The following PSMB9 variants were observed in gnomAD, a reference collection of about 807,000 sequenced individuals.
PSMB9 encodes the protein proteasome 20S subunit beta 9, also known as proteasome subunit beta type-9.
In PSMB9, 16 loss-of-function variants were observed where a neutral mutation model predicts 26.9. The ratio of observed to expected loss-of-function variants is 0.59; its 90% confidence interval spans 0.40 to 0.90. PSMB9 has a LOEUF of 0.90. PSMB9 is among the 40% of genes least tolerant of loss of function. The pLI, the probability that PSMB9 is intolerant of heterozygous loss-of-function variation, is 0.00. For synonymous variants in PSMB9, 91 were observed against 112.0 expected (o/e 0.81, Z 1.18); for missense variants, 253 against 292.2 (o/e 0.87, Z 0.98).
At position 32,859,848 on chromosome 6, in the gene PSMB9, G is replaced by A. The variant is rs978944702; in HGVS notation, c.*316G>A. On this transcript the variant is annotated 3_prime_UTR_variant, in exon 6 of 6. Transcript: ENST00000374859. Reference sequence around the variant, plus strand: ...TCATGCGGTCCATGATGATGAGGCCGCAAGTGAGGTGATGGGACTCTTTCC... The same window carrying A: ...TCATGCGGTCCATGATGATGAGGCCACAAGTGAGGTGATGGGACTCTTTCC... Among the ~76,000 whole-genome samples, 3 of 152,102 alleles carry A rather than the reference G, an allele frequency of 2.0e-5. No individual in the cohort carries two copies. The highest frequency in any genetic ancestry group is 4.4e-5 in the Non-Finnish European group (3 of 68,022).
In PSMB9 at chr6:32,858,887, A is replaced by C; in HGVS notation, c.532+382A>C. On this transcript the variant is annotated intron_variant, in intron 5 of 5. Transcript: ENST00000374859. This position sits in a 1 kb window ranked among gnomAD's most constrained non-coding sequence, Gnocchi z 5.2. ...CTGTCTCCACAAAAAACAATAAAAA[A>C]AAGTAAAAAAAAAAATGAACTGGGC... 1 of 304,496 alleles carries C rather than the reference A, an allele frequency of 3.3e-6. No homozygotes were observed. The highest frequency in any genetic ancestry group is 6.1e-6 in the Non-Finnish European group (1 of 163,230). 18.9% of individuals were successfully genotyped at this position (304,496 alleles called of 1,614,324 possible). A position where few individuals can be genotyped will look rare whatever the true frequency, so the allele number is the denominator to read the frequency against.
At chr6:32,859,332 G>T in intron 5 of PSMB9, 73 bp from the exon 6 acceptor site, 1 of 1,508,710 alleles carries the variant, frequency 6.6e-7, no homozygotes, top group East Asian at 2.4e-5. Flanking sequence ...CATATGGATG[G>T]AGGGGGAGTA....
chr6:32,855,879 G>T (rs1771138586), intron 1 of PSMB9, among the ~76,000 whole-genome samples: 1 of 152,148 alleles, frequency 6.6e-6, no homozygotes, highest in African/African-American at 2.4e-5. Context: ...GATTCCACTA[G>T]GCAAGTTGGA....
intron 2 of PSMB9, 48 bp from the exon 3 acceptor site, chr6:32,857,215 A>G (rs749479308): frequency 1.3e-6 from 2 of 1,515,860 alleles, no homozygotes; most frequent in Non-Finnish European, 1.8e-6. Context: ...AAAAAAAAAA[A>G]AAAAAACCTG....
chr6:32,858,293 C>T lies in PSMB9; in HGVS notation c.391-71C>T. On this transcript the variant is annotated intron_variant, in intron 4 of 5. Transcript: ENST00000374859. The surrounding 1 kb of genome is among the most constrained non-coding windows in gnomAD (Gnocchi z 5.2). ...GATACCAGGGCTTCATTGCAGGGTG[C>T]AGAGACCACTTAATGTCTCAGTGGG... is the stretch of plus-strand genomic sequence containing the variant. The T allele has an allele frequency of 6.2e-7, 1 of 1,607,924 alleles. No individual in the cohort carries two copies. The highest frequency in any genetic ancestry group is 8.5e-7 in the Non-Finnish European group (1 of 1,176,204).
chr6:32,858,013 T>C lies in PSMB9; in HGVS notation c.269T>C (p.Leu90Pro). ...CCTAATATTTCCCTCAGGATAGAAC[T>C]GGAGGAACCTCCACTTGTTTTGGCT... is the stretch of plus-strand genomic sequence containing the variant. ...AYQLELHGIE[L>P]EEPPLVLAAA... The change falls in exon 4 of 6, where the codon CTG (leucine) becomes CCG (proline). Residue 90 changes from leucine (L) to proline (P), a missense_variant. Transcript: ENST00000374859. The surrounding 1 kb of genome is among the most constrained non-coding windows in gnomAD (Gnocchi z 5.2). 1 of 1,613,122 alleles carries C rather than the reference T, an allele frequency of 6.2e-7. No individual in the cohort carries two copies. Among genetic ancestry groups the C allele is most frequent in the Non-Finnish European group, 8.5e-7 (1 of 1,180,030 alleles).
Position 32,859,663 on chromosome 6 carries a change from G to A in PSMB9, c.*131G>A. ...GTGGGTGCTTCCCTCCTAGATGTCAGCATACACTCTTTCTTCTTTTGTCCC... is the reference window on the plus strand; with the variant it reads ...GTGGGTGCTTCCCTCCTAGATGTCAACATACACTCTTTCTTCTTTTGTCCC... On this transcript the variant is annotated 3_prime_UTR_variant, in exon 6 of 6. Coordinates refer to ENST00000374859, the MANE Select transcript of PSMB9 (RefSeq NM_002800.5). 2 of 1,031,932 alleles carry A rather than the reference G, an allele frequency of 1.9e-6. No homozygotes were observed. Among genetic ancestry groups the A allele is most frequent in the East Asian group, 2.5e-5 (1 of 39,604 alleles). 63.9% of individuals were successfully genotyped at this position (1,031,932 alleles called of 1,614,324 possible).
At chr6:32,857,924 C>T (rs1201854679) in intron 3 of PSMB9, 81 bp from the exon 4 acceptor site, 5 of 1,545,792 alleles carry the variant, frequency 3.2e-6, no homozygotes, top group Non-Finnish European at 4.4e-6. Context: ...TTTCAGGGGT[C>T]GTTTAGCAGG....
chr6:32,857,108 G>GA lies in PSMB9; in HGVS notation c.129-154dup, dbSNP rs1053332784. On this transcript the variant is annotated intron_variant, in intron 2 of 5. Transcript: ENST00000374859. ...CCAGCTATTCGGGAGGCTGAGGCAG[G>GA]AGAATCACTTGAACCAGGGAGGCGA... is the stretch of plus-strand genomic sequence containing the variant. The GA allele has an allele frequency of 4.6e-5, 32 of 696,524 alleles. No individual in the cohort carries two copies. In the African/African-American group the frequency reaches 6.0e-4, roughly 13 times the overall value. The allele number at this position is 696,524 out of a possible 1,614,324, so 43.1% of individuals were successfully genotyped here.
At chr6:32,857,676 G>A in intron 3 of PSMB9, 1 of 529,794 alleles carries the variant, frequency 1.9e-6, no homozygotes, top group Non-Finnish European at 3.3e-6. Flanking sequence ...AGGTGATATT[G>A]TGACCCACCA....
Position 32,854,329 on chromosome 6 carries a change from G to C in PSMB9, c.60+40G>C. ...CTTGAGGGTTGGCAGAGGGGTGGAG[G>C]AGATGCAGCGGCCAGGGGACCCTGG... On this transcript the variant is annotated intron_variant, in intron 1 of 5. Transcript: ENST00000374859. The surrounding 1 kb of genome is among the most constrained non-coding windows in gnomAD (Gnocchi z 4.6). 3 of 1,438,472 alleles carry C rather than the reference G, an allele frequency of 2.1e-6. No homozygotes were observed. The highest frequency in any genetic ancestry group is 2.7e-6 in the Non-Finnish European group (3 of 1,095,026). 89.1% of individuals were successfully genotyped at this position (1,438,472 alleles called of 1,614,324 possible). A position where few individuals can be genotyped will look rare whatever the true frequency, so the allele number is the denominator to read the frequency against.
rs1771240460 is a variant in PSMB9 at position 32,857,882 on chromosome 6, G to A, written c.261-123G>A. 24 of 1,129,676 alleles carry A rather than the reference G, an allele frequency of 2.1e-5. No individual in the cohort carries two copies. In the South Asian group the frequency reaches 3.4e-4, roughly 16 times the overall value. The allele number at this position is 1,129,676 out of a possible 1,614,324, so 70.0% of individuals were successfully genotyped here. A position where few individuals can be genotyped will look rare whatever the true frequency, so the allele number is the denominator to read the frequency against. On this transcript the variant is annotated intron_variant, in intron 3 of 5. Coordinates refer to ENST00000374859, the MANE Select transcript of PSMB9 (RefSeq NM_002800.5). ...CTGGTTCCCCTGTACATGTGGGAGGGAGGCTGCAGTTTGAGCTATTGCAGT... is the reference window on the plus strand; with the variant it reads ...CTGGTTCCCCTGTACATGTGGGAGGAAGGCTGCAGTTTGAGCTATTGCAGT...
Position 32,858,332 on chromosome 6 carries a change from A to T in PSMB9, c.391-32A>T. ...TGTCTCAGTGGGAAGGAAGGGCTTG[A>T]TGATTCTTTAACCTGAGGATCCCTT... On this transcript the variant is annotated intron_variant, in intron 4 of 5. Transcript: ENST00000374859. The surrounding 1 kb of genome is among the most constrained non-coding windows in gnomAD (Gnocchi z 5.2). The T allele has an allele frequency of 6.2e-7, 1 of 1,612,674 alleles. No homozygotes were observed. The highest frequency in any genetic ancestry group is 8.5e-7 in the Non-Finnish European group (1 of 1,179,846).
chr6:32,857,525 A>T, intron 3 of PSMB9, 131 bp downstream of exon 3: 1 of 1,173,938 alleles, frequency 8.5e-7, no homozygotes, highest in Non-Finnish European at 1.1e-6. Context: ...TCTTGCTGGC[A>T]CTTGAATCTG....
Position 32,857,516 on chromosome 6 carries a change from C to A in PSMB9, c.260+122C>A, listed in dbSNP as rs867435030. The A allele has an allele frequency of 1.9e-5, 23 of 1,196,306 alleles. 1 individual carries two copies. Among genetic ancestry groups the A allele is most frequent in the Middle Eastern group, 5.8e-4 (2 of 3,428 alleles). 74.1% of individuals were successfully genotyped at this position (1,196,306 alleles called of 1,614,324 possible). A position where few individuals can be genotyped will look rare whatever the true frequency, so the allele number is the denominator to read the frequency against. ...GAAATGGAAAAGTCTTGTTTCGGCT[C>A]TTGCTGGCACTTGAATCTGTCAGTT... On this transcript the variant is annotated intron_variant, in intron 3 of 5. Coordinates refer to ENST00000374859, the MANE Select transcript of PSMB9 (RefSeq NM_002800.5).
At position 32,859,702 on chromosome 6, in the gene PSMB9, C is replaced by A; in HGVS notation, c.*170C>A. Reference sequence around the variant, plus strand: ...TTCTTTTGTCCCAGGTCTAAAACATCTTTCCTAGAGAAAACAAAAGGGACT... The same window carrying A: ...TTCTTTTGTCCCAGGTCTAAAACATATTTCCTAGAGAAAACAAAAGGGACT... On this transcript the variant is annotated 3_prime_UTR_variant, in exon 6 of 6. Coordinates refer to ENST00000374859, the MANE Select transcript of PSMB9 (RefSeq NM_002800.5). 1 of 774,742 alleles carries A rather than the reference C, an allele frequency of 1.3e-6. No individual in the cohort carries two copies. Among genetic ancestry groups the A allele is most frequent in the South Asian group, 2.2e-5 (1 of 46,344 alleles). 48.0% of individuals were successfully genotyped at this position (774,742 alleles called of 1,614,324 possible).
In PSMB9 at chr6:32,859,488, C is replaced by A. The variant is rs1485245049; in HGVS notation, c.616C>A (p.Arg206=). The change falls in exon 6 of 6, where the codon CGA becomes AGA. Residue 206 remains arginine (R), a synonymous_variant. Coordinates refer to ENST00000374859, the MANE Select transcript of PSMB9 (RefSeq NM_002800.5). Reference sequence around the variant, plus strand: ...TATTACAGCTGCCGGTGTGGACCATCGAGTCATCTTGGGCAATGAACTGCC... The same window carrying A: ...TATTACAGCTGCCGGTGTGGACCATAGAGTCATCTTGGGCAATGAACTGCC... ...VTITAAGVDH[R]VILGNELPKF... 1 of 1,613,674 alleles carries A rather than the reference C, an allele frequency of 6.2e-7. No homozygotes were observed. Among genetic ancestry groups the A allele is most frequent in the Non-Finnish European group, 8.5e-7 (1 of 1,179,888 alleles).
Position 32,858,478 on chromosome 6 carries a change from G to C in PSMB9, c.505G>C (p.Glu169Gln), listed in dbSNP as rs560987199. ...AGCATATAAGCCAGGCATGTCTCCCGAGGAGTGCAGGCGCTTCACCACAGA... is the reference window on the plus strand; with the variant it reads ...AGCATATAAGCCAGGCATGTCTCCCCAGGAGTGCAGGCGCTTCACCACAGA... ...DAAYKPGMSP[E>Q]ECRRFTTDAI... Residue 169 changes from glutamate to glutamine, a missense_variant, in exon 5 of 6, where the codon GAG becomes CAG. Coordinates refer to ENST00000374859, the MANE Select transcript of PSMB9 (RefSeq NM_002800.5). The surrounding 1 kb of genome is among the most constrained non-coding windows in gnomAD (Gnocchi z 5.2). 6.2e-7 allele frequency: 1 copy of C among 1,612,992 alleles called. No homozygotes were observed. Among genetic ancestry groups the C allele is most frequent in the Non-Finnish European group, 8.5e-7 (1 of 1,180,034 alleles).
chr6:32,858,947 G>T lies in PSMB9; in HGVS notation c.532+442G>T, dbSNP rs572296233. The T allele has an allele frequency of 1.9e-5, 5 of 257,806 alleles. No individual in the cohort carries two copies. The South Asian group carries it at 2.4e-4, about 13-fold the overall frequency. 16.0% of individuals were successfully genotyped at this position (257,806 alleles called of 1,614,324 possible). On this transcript the variant is annotated intron_variant, in intron 5 of 5. Coordinates refer to ENST00000374859, the MANE Select transcript of PSMB9 (RefSeq NM_002800.5). This position sits in a 1 kb window ranked among gnomAD's most constrained non-coding sequence, Gnocchi z 5.2. Reference sequence around the variant, plus strand: ...CACACCTGTAGTCCCAGCTACTCAGGAGGCTGAGGTGGAAAGATCATCTGA... The same window carrying T: ...CACACCTGTAGTCCCAGCTACTCAGTAGGCTGAGGTGGAAAGATCATCTGA...
Sources: allele counts gnomAD v4.1 joint callset (sites outside exome capture counted in the v4.1 genomes callset), GRCh38; gene constraint gnomAD v4.1.1; non-coding constraint Gnocchi (gnomAD v3.1); transcripts MANE v1.5; gene names NCBI Gene and HGNC (gene_info 2026-07-23, HGNC 2026-07-21).